ANO2: variants seen among roughly 807,000 people sequenced by gnomAD.
ANO2 encodes the protein anoctamin 2, also known as anoctamin-2.
ANO2 carries 101 observed loss-of-function variants against 124.2 expected under a neutral mutation model. The observed-to-expected ratio is 0.81, with a 90% CI of 0.69 to 0.96. The LOEUF (loss-of-function observed/expected upper bound fraction) is 0.96. Among genes scored for constraint, ANO2 ranks in the 40% least tolerant of loss-of-function variants. ANO2 has a pLI of 0.00. For missense variants in ANO2, 1,293 were observed against 1,274.5 expected, an observed-to-expected ratio of 1.01 and a Z score of -0.22; for synonymous variants, 486 against 482.5, an observed-to-expected ratio of 1.01 and a Z score of -0.09.
chr12:5,932,310 A>G (rs1201497618), intron 1 of ANO2, among the ~76,000 whole-genome samples: 2 of 149,560 alleles, frequency 1.3e-5, no homozygotes, highest in African/African-American at 4.9e-5. Flanking sequence ...AAGGCAGACG[A>G]GTGAGGAAAG....
At position 5,806,076 on chromosome 12, in the gene ANO2, T is replaced by C; in HGVS notation, c.966A>G (p.Pro322=). The change falls in exon 9 of 25, where the codon CCA becomes CCG. Residue 322 remains proline (P), a synonymous_variant. Coordinates refer to ENST00000682330, the MANE Select transcript of ANO2 (RefSeq NM_001364791.2). Reference sequence around the variant, plus strand: ...CCTTCCTGTCATTCATATCGTCCTCTGGACTATCGTATTCACCCTGTGGAG... The same window carrying C: ...CCTTCCTGTCATTCATATCGTCCTCCGGACTATCGTATTCACCCTGTGGAG... The part of the protein sequence containing the change: ...YPLHDGEYDS[P]EDDMNDRKLL... 1 of 1,613,890 alleles carries C rather than the reference T, an allele frequency of 6.2e-7. No homozygotes were observed.
intron 20 of ANO2, among the ~76,000 whole-genome samples, chr12:5,585,265 G>A (rs532443266): frequency 6.6e-6 from 1 of 152,198 alleles, no homozygotes; most frequent in African/African-American, 2.4e-5. Flanking sequence ...TAAGAAATAA[G>A]GACAATATGT....
chr12:5,876,842 G>A (rs1938135532), intron 3 of ANO2, among the ~76,000 whole-genome samples: 1 of 152,178 alleles, frequency 6.6e-6, no homozygotes. Context: ...TAGGGGGTTA[G>A]GGGAGGGATA....
intron 15 of ANO2, among the ~76,000 whole-genome samples, chr12:5,639,769 G>T (rs76747598): frequency 6.6e-6 from 1 of 152,140 alleles, no homozygotes; most frequent in African/African-American, 2.4e-5. Flanking sequence ...CCATCAGAGA[G>T]TTCTGAGCAG....
intron 3 of ANO2, among the ~76,000 whole-genome samples, chr12:5,854,397 G>GC (rs1376149357): frequency 1.1e-4 from 1 of 9,396 alleles, no homozygotes; most frequent in Non-Finnish European, 2.4e-4. Flanking sequence ...TAGCTTCAGA[G>GC]CAAAAAAAAA....
intron 14 of ANO2, among the ~76,000 whole-genome samples, chr12:5,691,913 A>T (rs1948959676): frequency 6.6e-6 from 1 of 151,790 alleles, no homozygotes; most frequent in Non-Finnish European, 1.5e-5. Flanking sequence ...AAAAAAAAAA[A>T]GTGAATGTAG....
chr12:5,567,890 G>A (rs557167535), intron 23 of ANO2, among the ~76,000 whole-genome samples: 36 of 152,328 alleles, frequency 2.4e-4, no homozygotes, highest in African/African-American at 4.3e-4. Flanking sequence ...GTGTAGCTCC[G>A]TTAGGAACTG....
chr12:5,745,028 T>G (rs1951225884), intron 11 of ANO2, among the ~76,000 whole-genome samples: 1 of 152,242 alleles, frequency 6.6e-6, no homozygotes, highest in Admixed American at 6.5e-5. Flanking sequence ...ACTTGGAGCA[T>G]GAACCAAATA....
At chr12:5,868,742 A>G (rs1029719187) in intron 3 of ANO2, among the ~76,000 whole-genome samples, 1 of 152,138 alleles carries the variant, frequency 6.6e-6, no homozygotes, top group African/African-American at 2.4e-5. Context: ...CACAGCCATG[A>G]CCCTGCATGC....
intron 3 of ANO2, among the ~76,000 whole-genome samples, chr12:5,864,540 G>C (rs73257225): frequency 0.017 from 2,550 of 152,318 alleles, 69 homozygotes; most frequent in African/African-American, 0.054. Flanking sequence ...TGCTGTGGAT[G>C]CTAACTCTCA....
At chr12:5,940,320 T>C (rs962949664) in intron 1 of ANO2, among the ~76,000 whole-genome samples, 8 of 152,230 alleles carry the variant, frequency 5.3e-5, no homozygotes, top group South Asian at 2.1e-4. Context: ...TGAATTTAGA[T>C]AGATTGTATA....
chr12:5,685,120 A>G (rs1220064764), intron 14 of ANO2, among the ~76,000 whole-genome samples: 1 of 152,184 alleles, frequency 6.6e-6, no homozygotes, highest in Admixed American at 6.5e-5. Flanking sequence ...TGGCTCAGGT[A>G]TGAGGCACGA....
rs561366924 is a variant in ANO2 at position 5,602,550 on chromosome 12, G to A, written c.2088-2921C>T. ...ATTACAAGCACGAACCACCACACCC[G>A]GCCTGAAACTCCAACACTTAATCAG... On this transcript the variant is annotated intron_variant, in intron 19 of 24. Coordinates refer to ENST00000682330, the MANE Select transcript of ANO2 (RefSeq NM_001364791.2). Among the ~76,000 whole-genome samples, 50 of 152,118 alleles carry A rather than the reference G, an allele frequency of 3.3e-4. No homozygotes were observed. The South Asian group carries it at 4.8e-3, about 15-fold the overall frequency.
chr12:5,930,427 G>A (rs1009778627), intron 1 of ANO2, among the ~76,000 whole-genome samples: 3 of 152,282 alleles, frequency 2.0e-5, no homozygotes, highest in East Asian at 1.9e-4. Flanking sequence ...GTGGATGAGT[G>A]TTGGGAGATG....
chr12:5,916,492 T>TAAAAAAAAA, intron 3 of ANO2, among the ~76,000 whole-genome samples: 1 of 93,156 alleles, frequency 1.1e-5, no homozygotes, highest in Non-Finnish European at 2.0e-5. Flanking sequence ...CGCAGCAGGT[T>TAAAAAAAAA]AAAAAAAAAA....
intron 14 of ANO2, among the ~76,000 whole-genome samples, chr12:5,648,860 C>T (rs569610660): frequency 6.6e-6 from 1 of 152,286 alleles, no homozygotes; most frequent in Non-Finnish European, 1.5e-5. Flanking sequence ...CTCCAGGGCC[C>T]CTGCTCTCTC....
chr12:5,763,707 G>A (rs187561417), intron 10 of ANO2, among the ~76,000 whole-genome samples: 141 of 152,164 alleles, frequency 9.3e-4, no homozygotes, highest in East Asian at 7.7e-4. Context: ...AAAGCTATGC[G>A]TAGAGAGATA....
chr12:5,796,698 C>T (rs3782651), intron 10 of ANO2, among the ~76,000 whole-genome samples: 32,420 of 152,156 alleles, frequency 0.21, 3,795 homozygotes, highest in Middle Eastern at 0.28. Flanking sequence ...ACACTGCAGC[C>T]GGGTGGAGGC....
intron 10 of ANO2, among the ~76,000 whole-genome samples, chr12:5,793,646 G>A (rs1038234327): frequency 6.6e-6 from 1 of 152,202 alleles, no homozygotes; most frequent in South Asian, 2.1e-4. Context: ...GAGCCTCTTG[G>A]TGCCTTGGGA....
Sources: allele counts gnomAD v4.1 joint callset (sites outside exome capture counted in the v4.1 genomes callset), GRCh38; gene constraint gnomAD v4.1.1; transcripts MANE v1.5; gene names NCBI Gene and HGNC (gene_info 2026-07-23, HGNC 2026-07-21).